Variants in CCDC62 observed in about 807,000 individuals in gnomAD.
The protein encoded by CCDC62 is coiled-coil domain-containing protein 62.
CCDC62 carries 72 observed loss-of-function variants against 80.8 expected under a neutral mutation model. The ratio of observed to expected loss-of-function variants is 0.89; its 90% CI spans 0.74 to 1.08. CCDC62 has a LOEUF of 1.08. Among genes scored for constraint, CCDC62 ranks in the 50% least tolerant of loss-of-function variants. The pLI is 0.00. For synonymous variants in CCDC62, 286 were observed against 296.5 expected (o/e 0.96, Z 0.36); for missense variants, 704 against 809.4 (o/e 0.87, Z 1.58).
chr12:122,785,884 T>C, intron 4 of CCDC62, 64 bp downstream of exon 4: 1 of 1,093,784 alleles, frequency 9.1e-7, no homozygotes, highest in Non-Finnish European at 1.4e-6. Flanking sequence ...ATATTCATTA[T>C]CTTACCTAAG....
intron 10 of CCDC62, among the ~76,000 whole-genome samples, chr12:122,812,752 GGAGGGAGAGAGAGA>G (rs1357385118): frequency 5.8e-5 from 3 of 51,514 alleles, no homozygotes; most frequent in African/African-American, 3.3e-4. Flanking sequence ...AGAGAGAGAG[GGAGGGAGAGAGAGA>G]GAGAGAGAGA....
intron 6 of CCDC62, among the ~76,000 whole-genome samples, chr12:122,793,893 C>T (rs2030781552): frequency 6.6e-6 from 1 of 152,048 alleles, no homozygotes; most frequent in Admixed American, 6.6e-5. Flanking sequence ...TAGTGATAAC[C>T]CGTTAACGCT....
intron 10 of CCDC62, among the ~76,000 whole-genome samples, chr12:122,808,898 C>T (rs1439866499): frequency 6.6e-6 from 1 of 152,220 alleles, no homozygotes; most frequent in Non-Finnish European, 1.5e-5. Flanking sequence ...GTCCCAGCTG[C>T]TCCAGATTCC....
chr12:122,824,579 A>G (rs943660991), intron 12 of CCDC62, among the ~76,000 whole-genome samples: 1 of 152,232 alleles, frequency 6.6e-6, no homozygotes, highest in African/African-American at 2.4e-5. Context: ...GTAAACTAGT[A>G]CAACCCCTAT....
intron 2 of CCDC62, among the ~76,000 whole-genome samples, chr12:122,780,184 G>A (rs1879750435): frequency 6.6e-6 from 1 of 150,928 alleles, no homozygotes; most frequent in Non-Finnish European, 1.5e-5. Context: ...GGTGGTGCTC[G>A]CCCGTAATCC....
chr12:122,812,816 A>G (rs2031993808), intron 10 of CCDC62, among the ~76,000 whole-genome samples: 1 of 150,034 alleles, frequency 6.7e-6, no homozygotes, highest in South Asian at 2.1e-4. Flanking sequence ...AGAAAGAAAG[A>G]AAGAAAGAAA....
rs577100633 is a variant in CCDC62, at chr12:122,790,550, C to T, written c.671-1470C>T. On this transcript the variant is annotated intron_variant, in intron 5 of 12. Coordinates refer to ENST00000253079, the MANE Select transcript of CCDC62 (RefSeq NM_201435.5). ...GTGTGATCCTGTAGTCCCAGCTACT[C>T]GAGAGGCAAAGTGAAAGGATTTCTT... is the stretch of plus-strand genomic sequence containing the variant. Among the ~76,000 whole-genome samples the T allele has an allele frequency of 9.9e-5, 15 of 152,044 alleles. No individual in the cohort carries two copies. In the South Asian group the frequency reaches 2.1e-3, roughly 21 times the overall value.
chr12:122,787,040 T>G (rs2030290787), intron 4 of CCDC62, among the ~76,000 whole-genome samples: 1 of 152,328 alleles, frequency 6.6e-6, no homozygotes, highest in East Asian at 1.9e-4. Context: ...GTTTAGTGGC[T>G]TCAACAACCT....
chr12:122,781,156 TC>T lies in CCDC62; in HGVS notation c.230-5del. 5.0e-6 allele frequency: 8 copies of T among 1,605,484 alleles called. No individual in the cohort carries two copies. Among genetic ancestry groups the T allele is most frequent in the Non-Finnish European group, 6.8e-6 (8 of 1,177,112 alleles). ...TGTGACTACAAATTATTGATGAACT[TC>T]CCTCAGGTGAACTACATAAAAGAAC... On this transcript the variant is annotated splice_region_variant and splice_polypyrimidine_tract_variant and intron_variant, in intron 2 of 12. Coordinates refer to ENST00000253079, the MANE Select transcript of CCDC62 (RefSeq NM_201435.5).
intron 11 of CCDC62, among the ~76,000 whole-genome samples, chr12:122,815,468 C>T (rs1005259933): frequency 2.6e-5 from 4 of 150,982 alleles, no homozygotes; most frequent in East Asian, 2.0e-4. Context: ...TTTTTTGAGA[C>T]GGAGTCTCGC....
At chr12:122,812,756 G>GGAGAGAGA (rs551370561) in intron 10 of CCDC62, among the ~76,000 whole-genome samples, 7 of 88,840 alleles carry the variant, frequency 7.9e-5, no homozygotes, top group African/African-American at 3.2e-4. Flanking sequence ...AGAGAGGGAG[G>GGAGAGAGA]GAGAGAGAGA....
intron 2 of CCDC62, 67 bp downstream of exon 2, chr12:122,777,750 G>A (rs757724622): frequency 3.5e-6 from 5 of 1,435,180 alleles, no homozygotes; most frequent in Non-Finnish European, 4.9e-6. Context: ...GGGCTCATAG[G>A]GAAGATAGAG....
chr12:122,825,390 A>C, intron 12 of CCDC62, among the ~76,000 whole-genome samples: 1 of 126,488 alleles, frequency 7.9e-6, no homozygotes, highest in Non-Finnish European at 1.6e-5. Context: ...CTTGTCTCCC[A>C]GTCTGGAGTG....
Position 122,781,253 on chromosome 12 carries a change from C to A in CCDC62, c.319C>A (p.Leu107Ile), listed in dbSNP as rs1879843372. Reference protein sequence around the residue: ...ESNQMECQTALQKTQLQLQEM... With the variant: ...ESNQMECQTAIQKTQLQLQEM... Reference sequence around the variant, plus strand: ...CAATCAAATGGAATGCCAAACAGCTCTCCAAAAGACCCAACTACAGCTTCA... The same window carrying A: ...CAATCAAATGGAATGCCAAACAGCTATCCAAAAGACCCAACTACAGCTTCA... The change falls in exon 3 of 13, where the codon CTC (leucine) becomes ATC (isoleucine). Residue 107 changes from leucine (L) to isoleucine (I), a missense_variant. Transcript: ENST00000253079. The A allele has an allele frequency of 6.2e-7, 1 of 1,613,830 alleles. No homozygotes were observed. The highest frequency in any genetic ancestry group is 1.1e-5 in the South Asian group (1 of 91,078).
intron 6 of CCDC62, among the ~76,000 whole-genome samples, chr12:122,792,679 C>T (rs377127919): frequency 1.2e-4 from 18 of 152,092 alleles, no homozygotes; most frequent in South Asian, 1.0e-3. Context: ...CTACCATGCC[C>T]GGCTAATTTT....
chr12:122,826,344 G>C (rs781556277), intron 12 of CCDC62, 78 bp from the exon 13 acceptor site: 8 of 733,988 alleles, frequency 1.1e-5, no homozygotes, highest in Non-Finnish European at 1.8e-5. Flanking sequence ...TATTTTAGAC[G>C]CCAGGAGCTT....
intron 9 of CCDC62, among the ~76,000 whole-genome samples, chr12:122,805,341 T>A (rs1318445111): frequency 7.1e-6 from 1 of 140,424 alleles, no homozygotes; most frequent in Non-Finnish European, 1.5e-5. Flanking sequence ...TTTGTCTTAA[T>A]TCTTTTTTTT....
chr12:122,789,942 G>A (rs2030499255), intron 5 of CCDC62, among the ~76,000 whole-genome samples: 2 of 151,880 alleles, frequency 1.3e-5, no homozygotes, highest in South Asian at 4.2e-4. Flanking sequence ...TACACTCTAG[G>A]TATTTGGTAT....
Position 122,788,008 on chromosome 12 carries a change from C to T in CCDC62, c.499-750C>T, listed in dbSNP as rs148609752. ...TGGGTTTTTGCATGGCCTGCCCCAA[C>T]CCTATTATTCTATAAGTCCTAGTGT... On this transcript the variant is annotated intron_variant, in intron 4 of 12. Coordinates refer to ENST00000253079, the MANE Select transcript of CCDC62 (RefSeq NM_201435.5). Among the ~76,000 whole-genome samples the T allele has an allele frequency of 6.6e-5, 10 of 152,244 alleles. No individual in the cohort carries two copies. In the East Asian group the frequency reaches 1.7e-3, roughly 26 times the overall value.
Sources: allele counts gnomAD v4.1 joint callset (sites outside exome capture counted in the v4.1 genomes callset), GRCh38; gene constraint gnomAD v4.1.1; transcripts MANE v1.5; gene names NCBI Gene and HGNC (gene_info 2026-07-23, HGNC 2026-07-21).